Variants in PLEKHA6 observed in about 807,000 individuals in gnomAD.
PLEKHA6 encodes pleckstrin homology domain-containing family A member 6.
A neutral mutation model predicts 116.7 loss-of-function variants in PLEKHA6; 60 were observed. The observed-to-expected ratio is 0.51, with a 90% CI of 0.42 to 0.64. The LOEUF is 0.64. Among genes scored for constraint, PLEKHA6 ranks in the 30% least tolerant of loss-of-function variants. The probability of loss-of-function intolerance (pLI) is 0.00; values close to 1 mark genes in which losing one functional copy is unlikely to be tolerated. For synonymous variants in PLEKHA6, 489 were observed against 556.1 expected (o/e 0.88, Z 1.70); for missense variants, 1,338 against 1,422.7 (o/e 0.94, Z 0.96).
At chr1:204,360,847 A>G (rs1162425232), upstream of PLEKHA6, among the ~76,000 whole-genome samples, 1 of 152,200 alleles carries the variant, frequency 6.6e-6, no homozygotes, top group African/African-American at 2.4e-5. Flanking sequence ...AGGACTTCAG[A>G]CAATAGGGTC....
chr1:204,296,778 C>G (rs1670324660), intron 1 of PLEKHA6, among the ~76,000 whole-genome samples: 1 of 152,218 alleles, frequency 6.6e-6, no homozygotes, highest in South Asian at 2.1e-4. Context: ...GAGAAGTGCT[C>G]CGTTCTCCAG....
intron 5 of PLEKHA6, 67 bp downstream of exon 5, chr1:204,267,408 G>T: frequency 1.4e-6 from 2 of 1,391,260 alleles, no homozygotes; most frequent in Non-Finnish European, 2.0e-6. Flanking sequence ...CGGGGATATG[G>T]CAGAATGAGA....
chr1:204,245,867 C>T, intron 13 of PLEKHA6, 141 bp from the exon 14 acceptor site: 1 of 603,638 alleles, frequency 1.7e-6, no homozygotes, highest in Non-Finnish European at 3.0e-6. Context: ...CACACACACA[C>T]ACACACACAC....
chr1:204,316,409 T>C (rs919670464), intron 1 of PLEKHA6, among the ~76,000 whole-genome samples: 1 of 152,078 alleles, frequency 6.6e-6, no homozygotes, highest in African/African-American at 2.4e-5. Context: ...TGCAGGCCGC[T>C]CAGAATAGGG....
intron 1 of PLEKHA6, among the ~76,000 whole-genome samples, chr1:204,346,625 A>T (rs902591665): frequency 2.0e-5 from 3 of 152,108 alleles, no homozygotes; most frequent in Non-Finnish European, 2.9e-5. Context: ...TCTAATTCTG[A>T]TTCCTCCCTC....
chr1:204,285,928 G>C (rs1008964163), intron 1 of PLEKHA6, among the ~76,000 whole-genome samples: 1 of 152,138 alleles, frequency 6.6e-6, no homozygotes, highest in African/African-American at 2.4e-5. Context: ...CTGACGCTTG[G>C]GGGAGGAGGA....
chr1:204,305,582 A>G (rs1344256094), intron 1 of PLEKHA6, among the ~76,000 whole-genome samples: 1 of 152,226 alleles, frequency 6.6e-6, no homozygotes, highest in African/African-American at 2.4e-5. Flanking sequence ...AAATTGAGCT[A>G]GAATGGGAGT....
chr1:204,260,776 C>T (rs1156645301), intron 7 of PLEKHA6, among the ~76,000 whole-genome samples: 2 of 152,154 alleles, frequency 1.3e-5, no homozygotes, highest in South Asian at 2.1e-4. Context: ...GCGATGGGAG[C>T]GGCCATATGT....
intron 1 of PLEKHA6, among the ~76,000 whole-genome samples, chr1:204,352,471 A>T (rs1673311238): frequency 6.6e-6 from 1 of 152,194 alleles, no homozygotes; most frequent in Admixed American, 6.5e-5. Context: ...CGCTGCGGAG[A>T]CTTCAGTCTC....
intron 5 of PLEKHA6, among the ~76,000 whole-genome samples, chr1:204,266,116 C>T (rs935819953): frequency 7.2e-5 from 11 of 152,070 alleles, no homozygotes; most frequent in African/African-American, 2.7e-4. Flanking sequence ...TCCTCCTACT[C>T]ATCACATCTA....
At position 204,259,084 on chromosome 1, in the gene PLEKHA6, C is replaced by A. The variant is rs1192945952; in HGVS notation, c.1007+174G>T. 6.6e-6 allele frequency among the ~76,000 whole-genome samples: 1 copy of A among 152,254 alleles called. No homozygotes were observed. Among genetic ancestry groups the A allele is most frequent in the Non-Finnish European group, 1.5e-5 (1 of 68,038 alleles). On this transcript the variant is annotated intron_variant, in intron 8 of 22. Coordinates refer to ENST00000272203, the MANE Select transcript of PLEKHA6 (RefSeq NM_014935.5). The surrounding 1 kb of genome is among the most constrained non-coding windows in gnomAD (Gnocchi z 4.6). Reference sequence around the variant, plus strand: ...CAGCAGCCAGACTCTAATGGTGGAGCCATGGGGCAGGCAGGATTTGGGCAA... The same window carrying A: ...CAGCAGCCAGACTCTAATGGTGGAGACATGGGGCAGGCAGGATTTGGGCAA...
rs1665410570 is a variant in PLEKHA6 at position 204,257,096 on chromosome 1, G to A, written c.1524+257C>T. 6.6e-6 allele frequency among the ~76,000 whole-genome samples: 1 copy of A among 152,206 alleles called. No individual in the cohort carries two copies. The highest frequency in any genetic ancestry group is 2.4e-5 in the African/African-American group (1 of 41,438). On this transcript the variant is annotated intron_variant, in intron 9 of 22. Transcript: ENST00000272203. This position sits in a 1 kb window ranked among gnomAD's most constrained non-coding sequence, Gnocchi z 6.5. ...TCTCTGCCCTCTTATATGACGGCAT[G>A]GTATCTGGCACAACTTGGGGGCATG...
In PLEKHA6 at chr1:204,257,579, T is replaced by C. The variant is rs777186863; in HGVS notation, c.1298A>G (p.Tyr433Cys). ...WIPSPSRQPV[Y>C]YDELDAASSS... is the part of the protein sequence containing the mutation. ...AGAGGCGGCATCCAGCTCATCATAA[T>C]AGACTGGCTGCCGGGAGGGGCTTGG... The change falls in exon 9 of 23, where the codon TAT (tyrosine) becomes TGT (cysteine). Residue 433 changes from tyrosine (Y) to cysteine (C), a missense_variant. Transcript: ENST00000272203. This position sits in a 1 kb window ranked among gnomAD's most constrained non-coding sequence, Gnocchi z 6.5. The C allele has an allele frequency of 1.0e-5, 16 of 1,607,732 alleles. No individual in the cohort carries two copies. The East Asian group carries it at 3.3e-4, about 34-fold the overall frequency.
At chr1:204,273,048 T>C (rs544359772) in intron 3 of PLEKHA6, among the ~76,000 whole-genome samples, 7 of 152,284 alleles carry the variant, frequency 4.6e-5, no homozygotes, top group African/African-American at 1.7e-4. Context: ...TGTGACCACA[T>C]TGCTGCTAAA....
At chr1:204,345,598 G>T (rs4245732) in intron 1 of PLEKHA6, among the ~76,000 whole-genome samples, 2 of 151,770 alleles carry the variant, frequency 1.3e-5, no homozygotes, top group African/African-American at 4.8e-5. Flanking sequence ...CTCCCCCAGC[G>T]CCCACGTGCA....
Position 204,221,513 on chromosome 1 carries a change from T to TCCCTATCC in PLEKHA6, c.*1274_*1275insGGATAGGG, listed in dbSNP as rs1659637397. On this transcript the variant is annotated 3_prime_UTR_variant, in exon 23 of 23. Coordinates refer to ENST00000272203, the MANE Select transcript of PLEKHA6 (RefSeq NM_014935.5). Reference sequence around the variant, plus strand: ...AGGTGGATCATGAGAGCGCCTAGCCTCAGCCAGTCCTCGTCTGGGATGCCT... The same window carrying TCCCTATCC: ...AGGTGGATCATGAGAGCGCCTAGCCTCCCTATCCCAGCCAGTCCTCGTCTGGGATGCCT... The TCCCTATCC allele has an allele frequency of 2.0e-5, 3 of 152,618 alleles. No individual in the cohort carries two copies. In the South Asian group the frequency reaches 6.2e-4, roughly 32 times the overall value. 9.5% of individuals were successfully genotyped at this position (152,618 alleles called of 1,614,324 possible). A position where few individuals can be genotyped will look rare whatever the true frequency, so the allele number is the denominator to read the frequency against.
chr1:204,238,627 T>C lies in PLEKHA6; in HGVS notation c.2409+2748A>G, dbSNP rs1287532429. On this transcript the variant is annotated intron_variant, in intron 17 of 22. Coordinates refer to ENST00000272203, the MANE Select transcript of PLEKHA6 (RefSeq NM_014935.5). This position sits in a 1 kb window ranked among gnomAD's most constrained non-coding sequence, Gnocchi z 4.2. ...GGCACAAGTAAGTTACATGAGGAAG[T>C]GGCTCAAATGCCCATGGCCTCCACT... Among the ~76,000 whole-genome samples the C allele has an allele frequency of 6.6e-6, 1 of 152,134 alleles. No homozygotes were observed. Among genetic ancestry groups the C allele is most frequent in the Non-Finnish European group, 1.5e-5 (1 of 68,010 alleles).
At chr1:204,268,819 A>C (rs10793759) in intron 3 of PLEKHA6, among the ~76,000 whole-genome samples, 99,547 of 151,932 alleles carry the variant, frequency 0.66, 33,056 homozygotes, top group East Asian at 0.82. Flanking sequence ...CTTCCACACT[A>C]TGGCAATAGT....
chr1:204,376,889 G>C (rs1044289630), intron 1 of PLEKHA6, among the ~76,000 whole-genome samples: 1 of 152,212 alleles, frequency 6.6e-6, no homozygotes, highest in Non-Finnish European at 1.5e-5. Context: ...GACTATAGTA[G>C]AAGCGAGCCA....
Sources: allele counts gnomAD v4.1 joint callset (sites outside exome capture counted in the v4.1 genomes callset), GRCh38; gene constraint gnomAD v4.1.1; non-coding constraint Gnocchi (gnomAD v3.1); transcripts MANE v1.5; gene names NCBI Gene and HGNC (gene_info 2026-07-23, HGNC 2026-07-21).